Variants in SKAP1 observed in about 807,000 individuals in gnomAD.
The protein encoded by SKAP1 is src kinase associated phosphoprotein 1, also known as src kinase-associated phosphoprotein 1.
Under a neutral mutation model 58.5 loss-of-function variants are expected in SKAP1, and 44 were observed. That is an observed-to-expected ratio of 0.75 (90% CI 0.59 to 0.97). The LOEUF (loss-of-function observed/expected upper bound fraction) is 0.97, where lower values mean the gene tolerates loss of function less well. Among genes scored for constraint, SKAP1 ranks in the 50% least tolerant of loss-of-function variants. SKAP1 has a pLI of 0.00. For missense variants in SKAP1, 390 were observed against 435.2 expected (o/e 0.90, Z 0.92); for synonymous variants, 127 against 149.7 (o/e 0.85, Z 1.11).
chr17:48,208,991 T>C (rs1279859553), intron 4 of SKAP1, among the ~76,000 whole-genome samples: 1 of 152,196 alleles, frequency 6.6e-6, no homozygotes, highest in Non-Finnish European at 1.5e-5. Flanking sequence ...CTTCTCCTAA[T>C]ATACCTTGAT....
intron 9 of SKAP1, among the ~76,000 whole-genome samples, chr17:48,178,023 A>G (rs950291619): frequency 2.0e-5 from 3 of 152,194 alleles, no homozygotes; most frequent in African/African-American, 7.2e-5. Flanking sequence ...GGGCCACTCC[A>G]ACATACCAGC....
chr17:48,292,274 A>C (rs1338245114), intron 4 of SKAP1, among the ~76,000 whole-genome samples: 1 of 152,106 alleles, frequency 6.6e-6, no homozygotes, highest in Non-Finnish European at 1.5e-5. Flanking sequence ...TCATTTCTTA[A>C]TGTTGTCATT....
chr17:48,178,795 G>C (rs541206659), intron 9 of SKAP1, among the ~76,000 whole-genome samples: 1 of 152,232 alleles, frequency 6.6e-6, no homozygotes. Flanking sequence ...CACAAGAAAT[G>C]GCTCGACCTC....
intron 4 of SKAP1, among the ~76,000 whole-genome samples, chr17:48,336,037 A>T (rs2066564072): frequency 6.6e-6 from 1 of 152,280 alleles, no homozygotes; most frequent in South Asian, 2.1e-4. Context: ...AAAACAAAAT[A>T]AAAATCCAGA....
intron 1 of SKAP1, among the ~76,000 whole-genome samples, chr17:48,408,749 A>G (rs2144574155): frequency 6.6e-6 from 1 of 152,362 alleles, no homozygotes; most frequent in African/African-American, 2.4e-5. Context: ...GTAAAACAGA[A>G]GTATTCCCCA....
At chr17:48,325,437 C>A in intron 4 of SKAP1, among the ~76,000 whole-genome samples, 1 of 151,988 alleles carries the variant, frequency 6.6e-6, no homozygotes. Context: ...CGAATATTAT[C>A]TTTCCAACTA....
In SKAP1 at chr17:48,180,114, C is replaced by A; in HGVS notation, c.766G>T (p.Val256Leu). The change falls in exon 9 of 13, where the codon GTG becomes TTG. Residue 256 changes from valine (V) to leucine (L), a missense_variant. Val to Leu is a conservative substitution (Grantham distance 32). Coordinates refer to ENST00000336915, the MANE Select transcript of SKAP1 (RefSeq NM_003726.4). ...TCCTCTGTAGGCTCTTTTATCCCCACACTCCCAGGCAAGATAGTGGGTCTG... is the reference window on the plus strand; with the variant it reads ...TCCTCTGTAGGCTCTTTTATCCCCAAACTCCCAGGCAAGATAGTGGGTCTG... ...QCRPTILPGS[V>L]GIKEPTEEKE... 6.2e-7 allele frequency: 1 copy of A among 1,613,424 alleles called. No homozygotes were observed. Among genetic ancestry groups the A allele is most frequent in the Non-Finnish European group, 8.5e-7 (1 of 1,179,782 alleles).
chr17:48,331,246 G>C (rs1261132132), intron 4 of SKAP1, among the ~76,000 whole-genome samples: 1 of 152,134 alleles, frequency 6.6e-6, no homozygotes, highest in Non-Finnish European at 1.5e-5. Flanking sequence ...TAAGGGAGCA[G>C]TTTTTGTTAA....
chr17:48,373,499 T>C (rs897992197), intron 2 of SKAP1, among the ~76,000 whole-genome samples: 5 of 152,178 alleles, frequency 3.3e-5, no homozygotes, highest in Non-Finnish European at 5.9e-5. Flanking sequence ...TGCTTTCCTA[T>C]TGGCTGTAAT....
chr17:48,185,682 A>G (rs1456745299), intron 6 of SKAP1, among the ~76,000 whole-genome samples: 1 of 152,164 alleles, frequency 6.6e-6, no homozygotes, highest in Non-Finnish European at 1.5e-5. Context: ...GATGATGATA[A>G]TGATGACAAG....
At chr17:48,256,393 G>A (rs8071222) in intron 4 of SKAP1, among the ~76,000 whole-genome samples, 13,919 of 152,084 alleles carry the variant, frequency 0.092, 970 homozygotes, top group African/African-American at 0.17. Flanking sequence ...ATTTAAAGGT[G>A]AAAGTGGTTA....
chr17:48,441,672 T>C, the SKAP1 span, among the ~76,000 whole-genome samples: 14 of 152,164 alleles, frequency 9.2e-5, no homozygotes, highest in Admixed American at 2.6e-4. Flanking sequence ...TAAACCTGAT[T>C]GCTCAGGGGT....
chr17:48,321,998 C>G (rs750083891), intron 4 of SKAP1, among the ~76,000 whole-genome samples: 1 of 152,226 alleles, frequency 6.6e-6, no homozygotes, highest in Non-Finnish European at 1.5e-5. Flanking sequence ...TAGCCTACTA[C>G]TGAATTCTAC....
chr17:48,286,827 G>A lies in SKAP1; in HGVS notation c.280+59078C>T, dbSNP rs563805960. ...CATCTAGATAATTTTCGCTGGGCGC[G>A]GTGGCTCATGCCTGTAATCCAGCAC... is the stretch of plus-strand genomic sequence containing the variant. On this transcript the variant is annotated intron_variant, in intron 4 of 12. Coordinates refer to ENST00000336915, the MANE Select transcript of SKAP1 (RefSeq NM_003726.4). Among the ~76,000 whole-genome samples, 5 of 152,208 alleles carry A rather than the reference G, an allele frequency of 3.3e-5. No individual in the cohort carries two copies. The East Asian group carries it at 5.8e-4, about 18-fold the overall frequency.
intron 10 of SKAP1, among the ~76,000 whole-genome samples, chr17:48,163,846 A>ATCC (rs2064102900): frequency 6.6e-6 from 1 of 152,228 alleles, no homozygotes; most frequent in Non-Finnish European, 1.5e-5. Flanking sequence ...TGTCTCTGGA[A>ATCC]GAGAATTTTG....
intron 2 of SKAP1, among the ~76,000 whole-genome samples, chr17:48,388,151 T>C (rs1003989065): frequency 6.6e-6 from 1 of 152,142 alleles, no homozygotes; most frequent in African/African-American, 2.4e-5. Flanking sequence ...CATTATATTA[T>C]GGGGCTGGGC....
chr17:48,159,770 G>C (rs530948671), intron 11 of SKAP1, among the ~76,000 whole-genome samples: 31 of 152,282 alleles, frequency 2.0e-4, no homozygotes, highest in African/African-American at 7.0e-4. Flanking sequence ...GAATAGATTG[G>C]GTGGCCTTTT....
intron 6 of SKAP1, chr17:48,185,073 A>G: frequency 2.0e-6 from 1 of 491,862 alleles, no homozygotes; most frequent in Non-Finnish European, 3.6e-6. Context: ...TATTTTGCCA[A>G]AAGAGTACAA....
At chr17:48,178,606 C>T (rs1018185446) in intron 9 of SKAP1, among the ~76,000 whole-genome samples, 2 of 152,182 alleles carry the variant, frequency 1.3e-5, no homozygotes, top group African/African-American at 4.8e-5. Flanking sequence ...CATCACTGCT[C>T]GTTGCTTTCT....
Sources: gnomAD v4.1 joint callset for allele counts (sites outside exome capture counted in the v4.1 genomes callset) on GRCh38, gnomAD v4.1.1 for gene constraint, MANE v1.5 for transcripts, NCBI Gene and HGNC (gene_info 2026-07-23, HGNC 2026-07-21) for gene names.